The following AGAP1 variants were observed in gnomAD, a reference collection of about 807,000 sequenced individuals.
AGAP1 encodes the protein arf-GAP with GTPase, ANK repeat and PH domain-containing protein 1.
AGAP1 carries 29 observed loss-of-function variants against 105.3 expected under a neutral mutation model. The observed-to-expected ratio is 0.28, with a 90% CI of 0.21 to 0.38. The LOEUF (loss-of-function observed/expected upper bound fraction) is 0.38. Among genes scored for constraint, AGAP1 ranks in the 10% least tolerant of loss-of-function variants. The pLI is 1.00. For missense variants in AGAP1, 998 were observed against 1,165.1 expected, an observed-to-expected ratio of 0.86 and a Z score of 2.09; for synonymous variants, 509 against 485.9, an observed-to-expected ratio of 1.05 and a Z score of -0.63.
At chr2:235,821,551 T>A (rs1958790514) in intron 9 of AGAP1, among the ~76,000 whole-genome samples, 1 of 152,172 alleles carries the variant, frequency 6.6e-6, no homozygotes, top group Non-Finnish European at 1.5e-5. Context: ...TTTAACTTCA[T>A]GTTTTGAAAT....
intron 1 of AGAP1, among the ~76,000 whole-genome samples, chr2:235,546,820 A>G (rs1402829191): frequency 6.6e-6 from 1 of 152,164 alleles, no homozygotes. Flanking sequence ...GGTAGTCATT[A>G]GTTTCTTCTT....
chr2:235,859,405 C>CCCCCCCG (rs1553652486), intron 9 of AGAP1, among the ~76,000 whole-genome samples: 1 of 74,972 alleles, frequency 1.3e-5, no homozygotes, highest in African/African-American at 4.1e-5. Context: ...CCCCCCCCCC[C>CCCCCCCG]CCGCCTTTTG....
At chr2:235,929,313 C>T (rs532497532) in intron 11 of AGAP1, among the ~76,000 whole-genome samples, 45 of 151,990 alleles carry the variant, frequency 3.0e-4, no homozygotes, top group South Asian at 1.9e-3. Flanking sequence ...TTCTGCATTT[C>T]TCGAATGCCT....
At chr2:235,711,519 TA>T (rs1374764620) in intron 2 of AGAP1, among the ~76,000 whole-genome samples, 7 of 152,228 alleles carry the variant, frequency 4.6e-5, no homozygotes, top group African/African-American at 1.7e-4. Context: ...CGGACTGTCT[TA>T]AGGCTTGCTT....
chr2:235,810,268 C>T (rs1012153138), intron 9 of AGAP1, among the ~76,000 whole-genome samples: 1 of 152,208 alleles, frequency 6.6e-6, no homozygotes, highest in Non-Finnish European at 1.5e-5. Flanking sequence ...CCATCCTTAC[C>T]GTGTTTGCCG....
chr2:235,810,783 T>C (rs1958093608), intron 9 of AGAP1, among the ~76,000 whole-genome samples: 1 of 152,218 alleles, frequency 6.6e-6, no homozygotes, highest in African/African-American at 2.4e-5. Context: ...ACTTCTCCTT[T>C]GGTGTCCTTT....
chr2:235,799,448 A>G lies in AGAP1; in HGVS notation c.883A>G (p.Ile295Val). Reference sequence around the variant, plus strand: ...CAGCACCAGCCAGAAGGAACTTCGGATCGATGTTCCTCCCACTGCCAACAC... The same window carrying G: ...CAGCACCAGCCAGAAGGAACTTCGGGTCGATGTTCCTCCCACTGCCAACAC... ...TPSTSQKELR[I>V]DVPPTANTPT... The change falls in exon 8 of 18, where the codon ATC (isoleucine) becomes GTC (valine). Residue 295 changes from isoleucine (I) to valine (V), a missense_variant. Ile to Val is a conservative substitution (Grantham distance 29, BLOSUM62 3). Coordinates refer to ENST00000304032, the MANE Select transcript of AGAP1 (RefSeq NM_001037131.3). This position sits in a 1 kb window ranked among gnomAD's most constrained non-coding sequence, Gnocchi z 5.0. 1 of 1,614,192 alleles carries G rather than the reference A, an allele frequency of 6.2e-7. No individual in the cohort carries two copies. The highest frequency in any genetic ancestry group is 8.5e-7 in the Non-Finnish European group (1 of 1,180,034).
chr2:235,735,622 G>A (rs1344809691), intron 3 of AGAP1, among the ~76,000 whole-genome samples: 15 of 151,532 alleles, frequency 9.9e-5, no homozygotes, highest in African/African-American at 2.9e-4. Flanking sequence ...TTCCTGGTGC[G>A]CTGTTCATTC....
chr2:235,884,643 G>A (rs1056281720), intron 10 of AGAP1, among the ~76,000 whole-genome samples: 4 of 151,872 alleles, frequency 2.6e-5, no homozygotes, highest in Admixed American at 1.3e-4. Context: ...TAGTAGAGAC[G>A]TGGTTTCACC....
At position 235,716,139 on chromosome 2, in the gene AGAP1, G is replaced by C. The variant is rs1305099205; in HGVS notation, c.223-1418G>C. Among the ~76,000 whole-genome samples, 1 of 152,160 alleles carries C rather than the reference G, an allele frequency of 6.6e-6. No individual in the cohort carries two copies. The highest frequency in any genetic ancestry group is 1.5e-5 in the Non-Finnish European group (1 of 68,026). On this transcript the variant is annotated intron_variant, in intron 2 of 17. Coordinates refer to ENST00000304032, the MANE Select transcript of AGAP1 (RefSeq NM_001037131.3). This position sits in a 1 kb window ranked among gnomAD's most constrained non-coding sequence, Gnocchi z 4.0. The stretch of plus-strand genomic sequence containing the variant: ...GTCTGCAGGGTGTCTCCTGTTAAAT[G>C]GAATCGCAGCTCATTGAGAGAAGGT...
rs1053661951 is a variant in AGAP1, at chr2:235,976,685, C to G, written c.1645+8062C>G. ...GAAGCGGCCCAGCCATCAGGACACACATAGACCAGTGGAGAAAGCAGAAAC... is the reference window on the plus strand; with the variant it reads ...GAAGCGGCCCAGCCATCAGGACACAGATAGACCAGTGGAGAAAGCAGAAAC... On this transcript the variant is annotated intron_variant, in intron 13 of 17. Coordinates refer to ENST00000304032, the MANE Select transcript of AGAP1 (RefSeq NM_001037131.3). The surrounding 1 kb of genome is among the most constrained non-coding windows in gnomAD (Gnocchi z 4.5). Among the ~76,000 whole-genome samples, 6 of 152,146 alleles carry G rather than the reference C, an allele frequency of 3.9e-5. No homozygotes were observed. The highest frequency in any genetic ancestry group is 1.4e-4 in the African/African-American group (6 of 41,426).
chr2:236,016,951 T>C (rs913507709), intron 13 of AGAP1, among the ~76,000 whole-genome samples: 1 of 152,048 alleles, frequency 6.6e-6, no homozygotes, highest in African/African-American at 2.4e-5. Context: ...AAGATTAACA[T>C]GTGTACACAT....
At chr2:235,653,929 G>A (rs549556816) in intron 1 of AGAP1, among the ~76,000 whole-genome samples, 22 of 152,156 alleles carry the variant, frequency 1.4e-4, no homozygotes, top group Non-Finnish European at 1.3e-4. Flanking sequence ...GGTGGCAGGC[G>A]CCTGTAATCC....
chr2:235,849,657 A>G (rs1172683039), intron 9 of AGAP1, among the ~76,000 whole-genome samples: 4 of 47,356 alleles, frequency 8.4e-5, no homozygotes, highest in African/African-American at 1.5e-4. Context: ...AGGCCTGGAT[A>G]AGGGTTGCCA....
rs528388448 is a variant in AGAP1, at chr2:235,685,679, A to AT, written c.164-23492dup. ...CATGCCATATTGTTAGCACCTTTCGATTTTTTTTACTGTAAAAATCAAAAC... is the reference window on the plus strand; with the variant it reads ...CATGCCATATTGTTAGCACCTTTCGATTTTTTTTTACTGTAAAAATCAAAAC... On this transcript the variant is annotated intron_variant, in intron 1 of 17. Transcript: ENST00000304032. 1.5e-3 allele frequency among the ~76,000 whole-genome samples: 229 copies of AT among 151,836 alleles called. 1 individual carries two copies. The highest frequency in any genetic ancestry group is 0.013 in the South Asian group (62 of 4,800).
In AGAP1 at chr2:235,739,177, A is replaced by G. The variant is rs116718609; in HGVS notation, c.311-1786A>G. Among the ~76,000 whole-genome samples, 2,718 of 150,352 alleles carry G rather than the reference A, an allele frequency of 0.018. 76 individuals carry two copies. The highest frequency in any genetic ancestry group is 0.056 in the African/African-American group (2,239 of 39,744). On this transcript the variant is annotated intron_variant, in intron 3 of 17. Transcript: ENST00000304032. This position sits in a 1 kb window ranked among gnomAD's most constrained non-coding sequence, Gnocchi z 5.3. ...ACACTGAGATGGGGCGAGGTGGGGC[A>G]AGACTACACAGCTGTATGTGGCAGA... is the stretch of plus-strand genomic sequence containing the variant.
At chr2:235,618,800 A>G (rs1325893198) in intron 1 of AGAP1, among the ~76,000 whole-genome samples, 1 of 152,228 alleles carries the variant, frequency 6.6e-6, no homozygotes, top group Non-Finnish European at 1.5e-5. Context: ...ACGGCCCCCA[A>G]AGATGTCCCA....
chr2:235,527,115 AATAG>A (rs1347334737), intron 1 of AGAP1, among the ~76,000 whole-genome samples: 28 of 152,168 alleles, frequency 1.8e-4, no homozygotes, highest in Admixed American at 1.7e-3. Context: ...AATCAGTAGA[AATAG>A]ATAAAGGATG....
intron 6 of AGAP1, among the ~76,000 whole-genome samples, chr2:235,782,864 GTTT>G: frequency 6.6e-6 from 1 of 152,318 alleles, no homozygotes; most frequent in African/African-American, 2.4e-5. Context: ...TACTGATTGT[GTTT>G]AAGTTGAAGT....
Sources: gnomAD v4.1 joint callset for allele counts (sites outside exome capture counted in the v4.1 genomes callset) on GRCh38, gnomAD v4.1.1 for gene constraint, Gnocchi (gnomAD v3.1) non-coding constraint, MANE v1.5 for transcripts, NCBI Gene and HGNC (gene_info 2026-07-23, HGNC 2026-07-21) for gene names.